The following LINGO2 variants were observed in gnomAD, a reference collection of about 807,000 sequenced individuals.
LINGO2 encodes leucine rich repeat and Ig domain containing 2, also known as leucine-rich repeat and immunoglobulin-like domain-containing nogo receptor-interacting protein 2.
LINGO2 carries 14 observed loss-of-function variants against 30.6 expected under a neutral mutation model. The observed-to-expected ratio is 0.46, with a 90% CI of 0.30 to 0.72. The LOEUF (loss-of-function observed/expected upper bound fraction) is 0.72. LINGO2 is among the 30% of genes least tolerant of loss of function. The pLI is 0.07. For synonymous variants in LINGO2, 317 were observed against 288.5 expected (o/e 1.10, Z -1.00); for missense variants, 729 against 751.7 (o/e 0.97, Z 0.35).
the LINGO2 span, among the ~76,000 whole-genome samples, chr9:28,908,138 T>C: frequency 2.1e-5 from 2 of 95,064 alleles, no homozygotes; most frequent in Admixed American, 1.2e-4. Flanking sequence ...CATGGGAAGC[T>C]ATACACACAC....
intron 5 of LINGO2, among the ~76,000 whole-genome samples, chr9:27,982,855 T>C (rs1295708514): frequency 6.6e-6 from 1 of 151,700 alleles, no homozygotes. Context: ...CCCTACACAA[T>C]GGTTGAGGGG....
intron 2 of LINGO2, among the ~76,000 whole-genome samples, chr9:28,458,272 A>C (rs915997754): frequency 3.3e-5 from 5 of 152,198 alleles, no homozygotes; most frequent in Non-Finnish European, 7.3e-5. Context: ...TGATTTCTGC[A>C]GCTGGATTAT....
intron 1 of LINGO2, among the ~76,000 whole-genome samples, chr9:28,480,760 A>AT (rs968236847): frequency 1.1e-4 from 16 of 151,834 alleles, no homozygotes; most frequent in Admixed American, 5.9e-4. Context: ...TTTACTTTCA[A>AT]TTTTTTTTGT....
At chr9:29,027,704 G>T in the LINGO2 span, among the ~76,000 whole-genome samples, 1 of 152,194 alleles carries the variant, frequency 6.6e-6, no homozygotes, top group East Asian at 1.9e-4. Context: ...ATTGTTCCAA[G>T]GTTTCCGCAG....
chr9:28,287,197 T>C (rs1342748287), intron 4 of LINGO2, among the ~76,000 whole-genome samples: 1 of 152,194 alleles, frequency 6.6e-6, no homozygotes, highest in African/African-American at 2.4e-5. Flanking sequence ...TCTCTGAAAA[T>C]ACATGACTCA....
At chr9:28,895,782 TG>T in the LINGO2 span, among the ~76,000 whole-genome samples, 3 of 151,992 alleles carry the variant, frequency 2.0e-5, no homozygotes, top group Admixed American at 2.0e-4. Context: ...TGCTTAGTAA[TG>T]GGATGACTTT....
chr9:28,970,666 C>T, the LINGO2 span, among the ~76,000 whole-genome samples: 1 of 152,138 alleles, frequency 6.6e-6, no homozygotes, highest in African/African-American at 2.4e-5. Context: ...GACATCCACC[C>T]ACAGACCGGA....
chr9:29,036,916 A>C, the LINGO2 span, among the ~76,000 whole-genome samples: 1 of 152,014 alleles, frequency 6.6e-6, no homozygotes, highest in Admixed American at 6.6e-5. Flanking sequence ...AAATTTATTA[A>C]TTGAAAAATT....
the LINGO2 span, among the ~76,000 whole-genome samples, chr9:28,725,178 A>G: frequency 6.6e-6 from 1 of 152,112 alleles, no homozygotes; most frequent in Non-Finnish European, 1.5e-5. Flanking sequence ...ACTCAATCAA[A>G]AAAATTTATC....
At chr9:29,159,456 A>G in the LINGO2 span, among the ~76,000 whole-genome samples, 3 of 152,364 alleles carry the variant, frequency 2.0e-5, no homozygotes, top group East Asian at 3.9e-4. Context: ...AAGAAGTTAT[A>G]CAAGTTTCCT....
At chr9:28,368,490 A>G (rs1212998351) in intron 3 of LINGO2, among the ~76,000 whole-genome samples, 1 of 151,566 alleles carries the variant, frequency 6.6e-6, no homozygotes, top group Admixed American at 6.6e-5. Flanking sequence ...TAAGGGTCTC[A>G]TTTTTTCATA....
chr9:28,646,713 T>A (rs1827858675), intron 1 of LINGO2, among the ~76,000 whole-genome samples: 1 of 152,116 alleles, frequency 6.6e-6, no homozygotes, highest in Admixed American at 6.6e-5. Context: ...AATAATTTCT[T>A]ATGAAATGTC....
At chr9:28,581,855 AAAG>A (rs1358179412) in intron 1 of LINGO2, among the ~76,000 whole-genome samples, 1 of 151,988 alleles carries the variant, frequency 6.6e-6, no homozygotes, top group African/African-American at 2.4e-5. Context: ...TAGAAATGTT[AAAG>A]AAGCATTCAT....
chr9:28,552,593 A>G (rs1018703207), intron 1 of LINGO2, among the ~76,000 whole-genome samples: 14 of 151,408 alleles, frequency 9.2e-5, no homozygotes, highest in Non-Finnish European at 2.1e-4. Flanking sequence ...TCACATGGTG[A>G]GTCTATTCAT....
In LINGO2 at chr9:28,048,412, T is replaced by C. The variant is rs1273449413; in HGVS notation, c.-86-36007A>G. On this transcript the variant is annotated intron_variant, in intron 4 of 5. Coordinates refer to ENST00000379992, the Ensembl canonical transcript of LINGO2. ...CATGAACATCAAAATTACATAAATATTAATAAACAAATACCGAGGAAACAC... is the reference window on the plus strand; with the variant it reads ...CATGAACATCAAAATTACATAAATACTAATAAACAAATACCGAGGAAACAC... Among the ~76,000 whole-genome samples, 2 of 150,738 alleles carry C rather than the reference T, an allele frequency of 1.3e-5. 1 individual carries two copies. Among genetic ancestry groups the C allele is most frequent in the Non-Finnish European group, 2.9e-5 (2 of 67,798 alleles).
chr9:28,341,671 AC>A (rs1438948864), intron 3 of LINGO2, among the ~76,000 whole-genome samples: 7 of 152,098 alleles, frequency 4.6e-5, no homozygotes, highest in African/African-American at 1.7e-4. Flanking sequence ...CTATTACAAA[AC>A]CCTTTTTCAA....
intron 4 of LINGO2, among the ~76,000 whole-genome samples, chr9:28,184,651 C>T (rs1046464988): frequency 6.6e-6 from 1 of 151,862 alleles, no homozygotes; most frequent in Non-Finnish European, 1.5e-5. Context: ...GACTCTGAGT[C>T]TGATAGACTG....
chr9:28,992,408 A>T, the LINGO2 span, among the ~76,000 whole-genome samples: 54 of 151,144 alleles, frequency 3.6e-4, no homozygotes, highest in East Asian at 9.4e-3. Flanking sequence ...CTCCCACACA[A>T]TAATAATGGG....
At chr9:28,550,193 G>C (rs1465396194) in intron 1 of LINGO2, among the ~76,000 whole-genome samples, 2 of 151,870 alleles carry the variant, frequency 1.3e-5, no homozygotes, top group African/African-American at 4.8e-5. Flanking sequence ...AATATGCACA[G>C]TTCTCATTTT....
Sources: gnomAD v4.1 joint callset for allele counts (sites outside exome capture counted in the v4.1 genomes callset) on GRCh38, gnomAD v4.1.1 for gene constraint, MANE v1.5 for transcripts, NCBI Gene and HGNC (gene_info 2026-07-23, HGNC 2026-07-21) for gene names.